HNRNPLL: variants seen among roughly 807,000 people sequenced by gnomAD.
HNRNPLL encodes heterogeneous nuclear ribonucleoprotein L-like.
A neutral mutation model predicts 67.1 loss-of-function variants in HNRNPLL; 25 were observed. The observed-to-expected ratio is 0.37, with a 90% CI of 0.27 to 0.52. The LOEUF (loss-of-function observed/expected upper bound fraction) is 0.52, where lower values mean the gene tolerates loss of function less well. HNRNPLL is among the 20% of genes least tolerant of loss of function. The pLI, the probability that HNRNPLL is intolerant of heterozygous loss-of-function variation, is 0.90. For synonymous variants in HNRNPLL, 267 were observed against 241.7 expected, an observed-to-expected ratio of 1.10 and a Z score of -0.97; for missense variants, 542 against 673.9, an observed-to-expected ratio of 0.80 and a Z score of 2.17.
chr2:38,567,410 C>T (rs535357426), intron 12 of HNRNPLL, among the ~76,000 whole-genome samples: 1 of 152,214 alleles, frequency 6.6e-6, no homozygotes, highest in South Asian at 2.1e-4. Flanking sequence ...GTCACAGTGC[C>T]TAGCCAAGTT....
At chr2:38,584,773 G>A (rs1055964391) in intron 3 of HNRNPLL, among the ~76,000 whole-genome samples, 9 of 152,066 alleles carry the variant, frequency 5.9e-5, no homozygotes, top group African/African-American at 1.9e-4. Context: ...TACCTACTTA[G>A]GAGTAATTAT....
At chr2:38,586,022 CA>C in intron 2 of HNRNPLL, 141 bp from the exon 3 acceptor site, 1 of 635,374 alleles carries the variant, frequency 1.6e-6, no homozygotes, top group South Asian at 1.9e-5. Context: ...CAACGTAAGT[CA>C]ACTTTTTTTT....
rs765530814 is a variant in HNRNPLL, at chr2:38,568,192, T to C, written c.1573+7A>G. 4 of 1,574,174 alleles carry C rather than the reference T, an allele frequency of 2.5e-6. No homozygotes were observed. The African/African-American group carries it at 5.4e-5, about 21-fold the overall frequency. Reference sequence around the variant, plus strand: ...TAATTACAACACAAATAAAGCATTTTACTTACTCGGCACTCTTATCTGATA... The same window carrying C: ...TAATTACAACACAAATAAAGCATTTCACTTACTCGGCACTCTTATCTGATA... On this transcript the variant is annotated splice_region_variant and intron_variant, in intron 12 of 12. Transcript: ENST00000449105.
intron 6 of HNRNPLL, chr2:38,581,160 G>A (rs770432235): frequency 4.6e-5 from 7 of 152,162 alleles, no homozygotes; most frequent in Non-Finnish European, 1.0e-4. Context: ...ACTGGTCCTG[G>A]TTATTTGCCA....
At chr2:38,564,494 C>T (rs1007234779) in intron 12 of HNRNPLL, among the ~76,000 whole-genome samples, 8 of 151,634 alleles carry the variant, frequency 5.3e-5, no homozygotes, top group Non-Finnish European at 7.4e-5. Context: ...GTGGTGCACG[C>T]CTGTAGTCCC....
Position 38,568,194 on chromosome 2 carries a change from C to G in HNRNPLL, c.1573+5G>C. The G allele has an allele frequency of 6.3e-7, 1 of 1,581,384 alleles. No individual in the cohort carries two copies. Among genetic ancestry groups the G allele is most frequent in the Non-Finnish European group, 8.7e-7 (1 of 1,153,566 alleles). ...ATTACAACACAAATAAAGCATTTTACTTACTCGGCACTCTTATCTGATAGT... is the reference window on the plus strand; with the variant it reads ...ATTACAACACAAATAAAGCATTTTAGTTACTCGGCACTCTTATCTGATAGT... On this transcript the variant is annotated splice_donor_5th_base_variant and intron_variant, in intron 12 of 12. Coordinates refer to ENST00000449105, the MANE Select transcript of HNRNPLL (RefSeq NM_138394.4).
chr2:38,564,335 A>G (rs1343100492), intron 12 of HNRNPLL, 98 bp from the exon 13 acceptor site: 2 of 701,270 alleles, frequency 2.9e-6, no homozygotes, highest in Admixed American at 2.4e-5. Flanking sequence ...TATACTAAAT[A>G]TAAGAAATAT....
chr2:38,580,566 T>C (rs548976460), intron 6 of HNRNPLL, among the ~76,000 whole-genome samples: 2 of 152,312 alleles, frequency 1.3e-5, no homozygotes, highest in South Asian at 4.1e-4. Flanking sequence ...AGTTACTGAC[T>C]TTTACAGACA....
At chr2:38,601,502 G>A (rs912913582) in intron 1 of HNRNPLL, 5 of 152,146 alleles carry the variant, frequency 3.3e-5, no homozygotes, top group African/African-American at 9.7e-5. Flanking sequence ...AACCGCTTAA[G>A]TGCACCAAAA....
At chr2:38,594,592 T>C (rs1203378802) in intron 1 of HNRNPLL, among the ~76,000 whole-genome samples, 6 of 152,176 alleles carry the variant, frequency 3.9e-5, no homozygotes, top group African/African-American at 4.8e-5. Flanking sequence ...TTTTATATAA[T>C]AAAAAGTTGC....
intron 1 of HNRNPLL, chr2:38,602,055 G>A (rs535830753): frequency 1.3e-4 from 30 of 222,500 alleles, no homozygotes; most frequent in African/African-American, 6.4e-4. Flanking sequence ...TGCGGGCAGA[G>A]GGACTGAAGA....
chr2:38,585,895 A>T lies in HNRNPLL; in HGVS notation c.309-14T>A. On this transcript the variant is annotated splice_polypyrimidine_tract_variant and intron_variant, in intron 2 of 12. Coordinates refer to ENST00000449105, the MANE Select transcript of HNRNPLL (RefSeq NM_138394.4). ...ATCATCACATAGCTGAAAAGGGAGA[A>T]AAGGAGGAAACACACAAACACAGCA... 1 of 1,471,372 alleles carries T rather than the reference A, an allele frequency of 6.8e-7. No individual in the cohort carries two copies. Among genetic ancestry groups the T allele is most frequent in the East Asian group, 2.3e-5 (1 of 44,240 alleles). 91.1% of individuals were successfully genotyped at this position (1,471,372 alleles called of 1,614,324 possible). A position where few individuals can be genotyped will look rare whatever the true frequency, so the allele number is the denominator to read the frequency against.
chr2:38,590,794 C>T (rs1321738056), intron 2 of HNRNPLL, among the ~76,000 whole-genome samples: 3 of 152,066 alleles, frequency 2.0e-5, no homozygotes, highest in African/African-American at 7.2e-5. Context: ...ATAGCTTGAG[C>T]CCAGGACAGC....
intron 2 of HNRNPLL, 149 bp downstream of exon 2, chr2:38,591,381 A>G: frequency 1.6e-6 from 1 of 615,170 alleles, no homozygotes; most frequent in South Asian, 2.0e-5. Context: ...AAACGTTCCA[A>G]AGAAATACAG....
At chr2:38,564,613 C>CAAAAAAAAAAAAAAA (rs70954732) in intron 12 of HNRNPLL, among the ~76,000 whole-genome samples, 2 of 36,996 alleles carry the variant, frequency 5.4e-5, no homozygotes, top group African/African-American at 2.0e-4. Flanking sequence ...GACTCCGTCT[C>CAAAAAAAAAAAAAAA]AAAAAAAAAA....
At position 38,585,824 on chromosome 2, in the gene HNRNPLL, A is replaced by T. The variant is rs1225570247; in HGVS notation, c.366T>A (p.Asp122Glu). ...CAAATGTCACACATTCTTTGGCACT[A>T]TCTATGTTTTCAAATTCCACTAGAG... ...RQALVEFENI[D>E]SAKECVTFAA... Residue 122 changes from aspartate (D) to glutamate (E), a missense_variant, in exon 3 of 13, where the codon GAT becomes GAA. Physicochemically the swap from Asp to Glu is conservative, Grantham distance 45 (BLOSUM62 2). Around this residue, in one of 2 missense-constraint regions of HNRNPLL, gnomAD observed 415 missense variants for 575.2 expected, o/e 0.72. Transcript: ENST00000449105. The T allele has an allele frequency of 6.2e-7, 1 of 1,613,940 alleles. No individual in the cohort carries two copies. The highest frequency in any genetic ancestry group is 1.3e-5 in the African/African-American group (1 of 74,932).
intron 12 of HNRNPLL, chr2:38,565,968 GT>G (rs144643949): frequency 3.0e-5 from 26 of 857,984 alleles, no homozygotes; most frequent in Middle Eastern, 3.7e-4. Flanking sequence ...ATCATTCATT[GT>G]TTTTTTTTCT....
intron 3 of HNRNPLL, among the ~76,000 whole-genome samples, chr2:38,584,586 G>GA (rs1666652459): frequency 1.3e-5 from 2 of 152,022 alleles, no homozygotes; most frequent in South Asian, 4.2e-4. Context: ...ATGTGACACT[G>GA]AAATGTTTAA....
chr2:38,572,333 C>G (rs1666126017), intron 8 of HNRNPLL, among the ~76,000 whole-genome samples: 2 of 152,044 alleles, frequency 1.3e-5, no homozygotes, highest in African/African-American at 4.8e-5. Flanking sequence ...GAACTAAGAA[C>G]TAAATGTAGC....
Sources: gnomAD v4.1 joint callset for allele counts (sites outside exome capture counted in the v4.1 genomes callset) on GRCh38, gnomAD v4.1.1 for gene constraint, gnomAD v4.1.1 regional missense constraint, MANE v1.5 for transcripts, NCBI Gene and HGNC (gene_info 2026-07-23, HGNC 2026-07-21) for gene names.